Variants in TCOF1 observed in about 807,000 individuals in gnomAD.
TCOF1 encodes the protein treacle protein.
A neutral mutation model predicts 149.0 loss-of-function variants in TCOF1; 33 were observed. The ratio of observed to expected loss-of-function variants is 0.22; its 90% CI spans 0.17 to 0.30. TCOF1 has a LOEUF of 0.30. Among genes scored for constraint, TCOF1 ranks in the 10% least tolerant of loss-of-function variants. TCOF1 has a pLI of 1.00. For missense variants in TCOF1, 1,728 were observed against 1,840.7 expected, an observed-to-expected ratio of 0.94 and a Z score of 1.12; for synonymous variants, 789 against 738.8, an observed-to-expected ratio of 1.07 and a Z score of -1.10.
intron 17 of TCOF1, chr5:150,383,286 C>T (rs763069643): frequency 7.0e-5 from 59 of 840,906 alleles, no homozygotes; most frequent in Non-Finnish European, 9.8e-5. Flanking sequence ...TAAACAGCAC[C>T]TCACAGCTTC....
chr5:150,388,182 C>T (rs1048839977), intron 18 of TCOF1, 94 bp downstream of exon 18: 3 of 1,551,238 alleles, frequency 1.9e-6, no homozygotes, highest in African/African-American at 1.4e-5. Context: ...AGTCACATAG[C>T]AAGGTGTTGG....
At chr5:150,389,265 C>T (rs541797779) in intron 18 of TCOF1, among the ~76,000 whole-genome samples, 26 of 152,234 alleles carry the variant, frequency 1.7e-4, no homozygotes, top group African/African-American at 4.8e-4. Flanking sequence ...CTAAAATATA[C>T]GTGTGTTTTT....
chr5:150,390,629 C>T (rs1767217857), intron 19 of TCOF1, among the ~76,000 whole-genome samples: 1 of 149,908 alleles, frequency 6.7e-6, no homozygotes, highest in Non-Finnish European at 1.5e-5. Context: ...AAGTCCATGA[C>T]ACACTCTGAC....
intron 17 of TCOF1, chr5:150,380,232 A>T: frequency 5.8e-6 from 1 of 173,654 alleles, no homozygotes; most frequent in South Asian, 1.3e-4. Flanking sequence ...TGCTACTAAA[A>T]CCCCCCAAAC....
intron 1 of TCOF1, 62 bp downstream of exon 1, chr5:150,357,916 G>A: frequency 6.6e-7 from 1 of 1,517,174 alleles, no homozygotes; most frequent in Non-Finnish European, 8.9e-7. Flanking sequence ...GCGGCCCGCG[G>A]CCCGCGCCCC....
intron 22 of TCOF1, 38 bp from the exon 23 acceptor site, chr5:150,393,334 G>C: frequency 1.2e-6 from 2 of 1,612,812 alleles, no homozygotes; most frequent in African/African-American, 1.3e-5. Flanking sequence ...GCAGTGGGGT[G>C]GGGTGGTGGC....
chr5:150,362,950 A>G (rs1476844793), intron 2 of TCOF1, among the ~76,000 whole-genome samples: 1 of 152,232 alleles, frequency 6.6e-6, no homozygotes, highest in Non-Finnish European at 1.5e-5. Context: ...CAAACCCAGC[A>G]ACTAGCTGTA....
At chr5:150,371,115 G>C (rs1043264492) in intron 6 of TCOF1, among the ~76,000 whole-genome samples, 2 of 152,220 alleles carry the variant, frequency 1.3e-5, no homozygotes, top group Admixed American at 6.5e-5. Flanking sequence ...GGTGTCCACA[G>C]TTGGAAAGAT....
chr5:150,380,847 A>C (rs1286781445), intron 17 of TCOF1: 3 of 152,082 alleles, frequency 2.0e-5, no homozygotes, highest in Non-Finnish European at 4.4e-5. Flanking sequence ...TCTCTACTAA[A>C]AAAATACAAA....
chr5:150,374,877 C>A, intron 9 of TCOF1, 66 bp downstream of exon 9: 1 of 1,610,336 alleles, frequency 6.2e-7, no homozygotes, highest in South Asian at 1.1e-5. Flanking sequence ...ATGGGTGTGG[C>A]CACCTTTGCC....
chr5:150,387,098 G>A (rs1220791020), intron 17 of TCOF1, among the ~76,000 whole-genome samples: 4 of 152,198 alleles, frequency 2.6e-5, no homozygotes, highest in African/African-American at 9.7e-5. Context: ...AGACATGTCA[G>A]CTCATCCACC....
At chr5:150,368,198 G>A (rs1761767657) in intron 4 of TCOF1, 3 of 454,550 alleles carry the variant, frequency 6.6e-6, no homozygotes, top group Non-Finnish European at 8.1e-6. Context: ...GCGTTCACCC[G>A]TTCACTCAAC....
Position 150,398,337 on chromosome 5 carries a change from T to A in TCOF1, c.4346-17T>A, listed in dbSNP as rs76350524. 2.9e-3 allele frequency: 4,685 copies of A among 1,613,220 alleles called. 9 individuals carry two copies. The highest frequency in any genetic ancestry group is 3.7e-3 in the Non-Finnish European group (4,411 of 1,179,810). The stretch of plus-strand genomic sequence containing the variant: ...ATTACCATCTGTTGTTCAGGAACTT[T>A]ACTTTACTTCCCTTAGGAAAAAAAG... On this transcript the variant is annotated splice_polypyrimidine_tract_variant and intron_variant, in intron 24 of 26. Transcript: ENST00000643257.
Position 150,396,569 on chromosome 5 carries a change from A to C in TCOF1, c.4072A>C (p.Arg1358=), listed in dbSNP as rs1317425873. ...RKLSGDQPAA[R]TPRSKKKKKL... Reference sequence around the variant, plus strand: ...GCTATCGGGAGACCAGCCAGCTGCCAGGACCCCCAGGAGCAAGAAGAAGAA... The same window carrying C: ...GCTATCGGGAGACCAGCCAGCTGCCCGGACCCCCAGGAGCAAGAAGAAGAA... The change falls in exon 24 of 27, where the codon AGG becomes CGG. Residue 1358 remains arginine (R), a synonymous_variant. Coordinates refer to ENST00000643257, the MANE Select transcript of TCOF1 (RefSeq NM_001371623.1). 1.3e-6 allele frequency: 2 copies of C among 1,582,098 alleles called. No individual in the cohort carries two copies. Among genetic ancestry groups the C allele is most frequent in the Admixed American group, 1.8e-5 (1 of 54,376 alleles).
chr5:150,384,970 C>T, intron 17 of TCOF1: 9 of 985,434 alleles, frequency 9.1e-6, no homozygotes, highest in Non-Finnish European at 1.1e-5. Flanking sequence ...GGCTCCATTC[C>T]TAGACCCCTC....
rs886285222 is a variant in TCOF1 at position 150,379,611 on chromosome 5, C to T, written c.2738C>T (p.Pro913Leu). 7 of 1,614,064 alleles carry T rather than the reference C, an allele frequency of 4.3e-6. No homozygotes were observed. In the African/African-American group the frequency reaches 8.0e-5, roughly 18 times the overall value. The change falls in exon 17 of 27, where the codon CCA becomes CTA. Residue 913 changes from proline (P) to leucine (L), a missense_variant. By Grantham distance (98) the Pro-to-Leu change is moderately conservative. Coordinates refer to ENST00000643257, the MANE Select transcript of TCOF1 (RefSeq NM_001371623.1). ...GAGTCCCCCAGGAAAGGGGCTGCCCCAACACCTCCTGGGAAGACAGGGCCT... is the reference window on the plus strand; with the variant it reads ...GAGTCCCCCAGGAAAGGGGCTGCCCTAACACCTCCTGGGAAGACAGGGCCT... Reference protein sequence around the residue: ...AKESPRKGAAPTPPGKTGPSA... With the variant: ...AKESPRKGAALTPPGKTGPSA...
chr5:150,393,016 G>T (rs1021460671), intron 22 of TCOF1: 2 of 615,018 alleles, frequency 3.3e-6, no homozygotes, highest in African/African-American at 3.7e-5. Context: ...CTTGGGGTCT[G>T]TAGAAGGGAT....
chr5:150,391,703 G>A, intron 20 of TCOF1, 46 bp downstream of exon 20: 4 of 1,548,716 alleles, frequency 2.6e-6, no homozygotes, highest in Non-Finnish European at 3.5e-6. Context: ...AGCGTAGAAG[G>A]TGCAGGCGTG....
chr5:150,392,549 A>G (rs1767656546), intron 21 of TCOF1, 156 bp from the exon 22 acceptor site: 3 of 718,858 alleles, frequency 4.2e-6, no homozygotes, highest in Admixed American at 4.2e-5. Flanking sequence ...ATAAGTGTGC[A>G]AGGAGTGTTG....
Sources: gnomAD v4.1 joint callset for allele counts (sites outside exome capture counted in the v4.1 genomes callset) on GRCh38, gnomAD v4.1.1 for gene constraint, MANE v1.5 for transcripts, NCBI Gene and HGNC (gene_info 2026-07-23, HGNC 2026-07-21) for gene names.